BCL6: variants seen among roughly 807,000 people sequenced by gnomAD.
BCL6 encodes BCL6 transcription repressor.
BCL6 carries 7 observed loss-of-function variants against 59.5 expected under a neutral mutation model. The ratio of observed to expected loss-of-function variants is 0.12; its 90% CI spans 0.07 to 0.22. The LOEUF is 0.22. Ranked by LOEUF, BCL6 falls within the 10% of genes least tolerant of loss-of-function variation. The pLI is 1.00. For synonymous variants in BCL6, 339 were observed against 349.7 expected (o/e 0.97, Z 0.34); for missense variants, 685 against 939.4 (o/e 0.73, Z 3.54).
intron 3 of BCL6, among the ~76,000 whole-genome samples, chr3:187,732,136 T>C (rs1477921936): frequency 6.6e-6 from 1 of 152,184 alleles, no homozygotes; most frequent in African/African-American, 2.4e-5. Context: ...CTTACAACGC[T>C]GCAAGGTAGG....
intron 6 of BCL6, among the ~76,000 whole-genome samples, chr3:187,727,441 T>C (rs186231733): frequency 1.3e-5 from 2 of 152,330 alleles, no homozygotes; most frequent in Admixed American, 1.3e-4. Context: ...CAATTCTACT[T>C]TGAGGTCACT....
chr3:187,724,918 G>A, intron 9 of BCL6, 23 bp downstream of exon 9: 1 of 1,603,286 alleles, frequency 6.2e-7, no homozygotes, highest in Non-Finnish European at 8.5e-7. Flanking sequence ...AGGTCAGAGA[G>A]CGGCCTCAAG....
intron 1 of BCL6, among the ~76,000 whole-genome samples, chr3:187,741,018 T>G (rs2108479513): frequency 6.6e-6 from 1 of 152,242 alleles, no homozygotes; most frequent in Admixed American, 6.5e-5. Flanking sequence ...GGCCGCGAAC[T>G]CGATCTCAGC....
chr3:187,722,682 T>G, intron 9 of BCL6, 81 bp from the exon 10 acceptor site: 1 of 1,546,640 alleles, frequency 6.5e-7, no homozygotes, highest in East Asian at 2.3e-5. Context: ...GAGAGGAAGA[T>G]TCTCCCTACG....
At position 187,744,633 on chromosome 3, in the gene BCL6, G is replaced by T. The variant is rs528621454; in HGVS notation, c.-50+777C>A. Among the ~76,000 whole-genome samples the T allele has an allele frequency of 2.6e-5, 4 of 152,182 alleles. No individual in the cohort carries two copies. In the East Asian group the frequency reaches 7.7e-4, roughly 29 times the overall value. On this transcript the variant is annotated intron_variant, in intron 1 of 9. Transcript: ENST00000406870. The stretch of plus-strand genomic sequence containing the variant: ...CTTGCATTTTTTCCTTCCAAATCTC[G>T]GTTCGGCTCGAAGGCAGGGAATCTA...
Position 187,729,132 on chromosome 3 carries a change from G to C in BCL6, c.1273C>G (p.Leu425Val). Reference sequence around the variant, plus strand: ...GCACTCAGCTTGGTTGGGGACTGGAGGTCAAGGTTCTCAGGCTCCATGGGT... The same window carrying C: ...GCACTCAGCTTGGTTGGGGACTGGACGTCAAGGTTCTCAGGCTCCATGGGT... ...QPPMEPENLD[L>V]QSPTKLSASG... The change falls in exon 5 of 10, where the codon CTC becomes GTC. Residue 425 changes from leucine (L) to valine (V), a missense_variant. This residue lies in a region of BCL6 where 207 missense variants were observed against 213.7 expected (regional missense o/e 0.97). Coordinates refer to ENST00000406870, the MANE Select transcript of BCL6 (RefSeq NM_001706.5). This position sits in a 1 kb window ranked among gnomAD's most constrained non-coding sequence, Gnocchi z 5.6. 6.3e-7 allele frequency: 1 copy of C among 1,592,774 alleles called. No individual in the cohort carries two copies. The highest frequency in any genetic ancestry group is 8.6e-7 in the Non-Finnish European group (1 of 1,167,940).
intron 1 of BCL6, among the ~76,000 whole-genome samples, chr3:187,743,724 C>CG (rs924950878): frequency 1.4e-5 from 2 of 139,056 alleles, no homozygotes; most frequent in African/African-American, 6.1e-5. Context: ...GCTCCTGCTG[C>CG]CCCCCCGCCC....
rs768738752 is a variant in BCL6, at chr3:187,731,695, G to A, written c.383+14C>T. The A allele has an allele frequency of 3.7e-5, 59 of 1,612,380 alleles. 1 individual carries two copies. Among genetic ancestry groups the A allele is most frequent in the Middle Eastern group, 3.6e-4 (2 of 5,596 alleles). ...TCTTCCATCTCCGACGCTTCCACCC[G>A]GGTAGCAACTCACCTGGCCTTAATA... On this transcript the variant is annotated intron_variant, in intron 4 of 9. Coordinates refer to ENST00000406870, the MANE Select transcript of BCL6 (RefSeq NM_001706.5).
chr3:187,729,771 C>G lies in BCL6; in HGVS notation c.634G>C (p.Glu212Gln), dbSNP rs767911394. 7 of 1,614,058 alleles carry G rather than the reference C, an allele frequency of 4.3e-6. No individual in the cohort carries two copies. The highest frequency in any genetic ancestry group is 5.9e-6 in the Non-Finnish European group (7 of 1,180,032). Residue 212 changes from glutamate to glutamine, a missense_variant, in exon 5 of 10, where the codon GAG (glutamate) becomes CAG (glutamine). Physicochemically the swap from Glu to Gln is conservative, Grantham distance 29. This residue lies in a region of BCL6 where 268 missense variants were observed against 263.8 expected (regional missense o/e 1.02). Coordinates refer to ENST00000406870, the MANE Select transcript of BCL6 (RefSeq NM_001706.5). The surrounding 1 kb of genome is among the most constrained non-coding windows in gnomAD (Gnocchi z 5.6). ...ACAGGCATCCGGACATCCCGAAACTCCTCATCGGAGAAGAGGAGGCTGCTG... is the reference window on the plus strand; with the variant it reads ...ACAGGCATCCGGACATCCCGAAACTGCTCATCGGAGAAGAGGAGGCTGCTG... The part of the protein sequence containing the change: ...PVSSLLFSDE[E>Q]FRDVRMPVAN...
Position 187,725,658 on chromosome 3 carries a change from A to G in BCL6, c.1709-29T>C. On this transcript the variant is annotated intron_variant, in intron 7 of 9. Coordinates refer to ENST00000406870, the MANE Select transcript of BCL6 (RefSeq NM_001706.5). This position sits in a 1 kb window ranked among gnomAD's most constrained non-coding sequence, Gnocchi z 4.7. ...TTACCAAGAAAAAGGGAAAAAGAAA[A>G]GCCATATTCAATAAGGAAGGTCTCT... 4 of 1,613,706 alleles carry G rather than the reference A, an allele frequency of 2.5e-6. No individual in the cohort carries two copies. Among genetic ancestry groups the G allele is most frequent in the Non-Finnish European group, 3.4e-6 (4 of 1,179,808 alleles).
At chr3:187,743,723 GC>G (rs57640625) in intron 1 of BCL6, among the ~76,000 whole-genome samples, 1 of 144,830 alleles carries the variant, frequency 6.9e-6, no homozygotes, top group Non-Finnish European at 1.5e-5. Context: ...AGCTCCTGCT[GC>G]CCCCCCGCCC....
At chr3:187,738,252 T>G (rs1172819850) in intron 1 of BCL6, among the ~76,000 whole-genome samples, 1 of 152,124 alleles carries the variant, frequency 6.6e-6, no homozygotes, top group Non-Finnish European at 1.5e-5. Flanking sequence ...CCTTCCATTC[T>G]CCCTCACCCC....
In BCL6 at chr3:187,721,684, AT is replaced by A. The variant is rs1023355967; in HGVS notation, c.*773del. ...ACTGAAAACTAGAACAAAATTACAC[AT>A]TTTTCCTTCTGCAGATTTTTTTGTT... On this transcript the variant is annotated 3_prime_UTR_variant, in exon 10 of 10. Transcript: ENST00000406870. This position sits in a 1 kb window ranked among gnomAD's most constrained non-coding sequence, Gnocchi z 4.2. 6 of 232,458 alleles carry A rather than the reference AT, an allele frequency of 2.6e-5. No individual in the cohort carries two copies. The highest frequency in any genetic ancestry group is 1.3e-4 in the African/African-American group (6 of 45,212). 14.4% of individuals were successfully genotyped at this position (232,458 alleles called of 1,614,324 possible).
chr3:187,727,985 C>A (rs1289568384), intron 6 of BCL6, among the ~76,000 whole-genome samples: 3 of 152,192 alleles, frequency 2.0e-5, no homozygotes, highest in Admixed American at 2.0e-4. Context: ...CTTCTCCTTA[C>A]AGAATGTACA....
chr3:187,744,850 A>G (rs1258968290), intron 1 of BCL6, among the ~76,000 whole-genome samples: 6 of 152,192 alleles, frequency 3.9e-5, no homozygotes, highest in East Asian at 3.9e-4. Context: ...AGAGGGAAAA[A>G]ACACAGCCGC....
Position 187,725,213 on chromosome 3 carries a change from G to A in BCL6, c.1840-135C>T. On this transcript the variant is annotated intron_variant, in intron 8 of 9. Transcript: ENST00000406870. The surrounding 1 kb of genome is among the most constrained non-coding windows in gnomAD (Gnocchi z 4.7). ...TCACCTGCACACAGGGACTGAGTGG[G>A]CCTTTCTGCTGCCCACTCTGCTCAC... is the stretch of plus-strand genomic sequence containing the variant. 7.3e-7 allele frequency: 1 copy of A among 1,367,048 alleles called. No individual in the cohort carries two copies. The highest frequency in any genetic ancestry group is 1.0e-6 in the Non-Finnish European group (1 of 994,162). 84.7% of individuals were successfully genotyped at this position (1,367,048 alleles called of 1,614,324 possible).
At chr3:187,743,341 C>G (rs1334364147) in intron 1 of BCL6, among the ~76,000 whole-genome samples, 1 of 150,186 alleles carries the variant, frequency 6.7e-6, no homozygotes, top group African/African-American at 2.5e-5. Context: ...GTGGCGGGGG[C>G]CGGCGGGGAG....
chr3:187,740,784 A>C (rs1243394980), intron 1 of BCL6, among the ~76,000 whole-genome samples: 1 of 152,236 alleles, frequency 6.6e-6, no homozygotes, highest in African/African-American at 2.4e-5. Context: ...AGGGACAGGA[A>C]GATGGTGTGT....
intron 1 of BCL6, among the ~76,000 whole-genome samples, chr3:187,745,078 T>A (rs551262652): frequency 6.6e-6 from 1 of 150,714 alleles, no homozygotes; most frequent in South Asian, 2.1e-4. Context: ...CAAGGGAGGG[T>A]GGCAAAAGCC....
Sources: allele counts gnomAD v4.1 joint callset (sites outside exome capture counted in the v4.1 genomes callset), GRCh38; gene constraint gnomAD v4.1.1; regional missense constraint gnomAD v4.1.1; non-coding constraint Gnocchi (gnomAD v3.1); transcripts MANE v1.5; gene names NCBI Gene and HGNC (gene_info 2026-07-23, HGNC 2026-07-21).